GABRG3: variants seen among roughly 807,000 people sequenced by gnomAD.
The protein encoded by GABRG3 is gamma-aminobutyric acid type A receptor subunit gamma3, also known as gamma-aminobutyric acid receptor subunit gamma-3.
GABRG3 carries 25 observed loss-of-function variants against 48.8 expected under a neutral mutation model. That is an observed-to-expected ratio of 0.51 (90% confidence interval 0.37 to 0.72). GABRG3 has a LOEUF of 0.72. GABRG3 is among the 30% of genes least tolerant of loss of function. GABRG3 has a pLI of 0.00. For missense variants in GABRG3, 394 were observed against 577.9 expected, an observed-to-expected ratio of 0.68 and a Z score of 3.26; for synonymous variants, 227 against 217.6, an observed-to-expected ratio of 1.04 and a Z score of -0.38.
intron 2 of GABRG3, among the ~76,000 whole-genome samples, chr15:26,990,986 A>T (rs1420018142): frequency 1.3e-5 from 2 of 151,714 alleles, no homozygotes; most frequent in Non-Finnish European, 2.9e-5. Context: ...TGTATTTTCA[A>T]TAGAGATGGG....
At chr15:27,410,662 G>T (rs1046964996) in intron 5 of GABRG3, among the ~76,000 whole-genome samples, 4 of 152,026 alleles carry the variant, frequency 2.6e-5, no homozygotes, top group Non-Finnish European at 5.9e-5. Flanking sequence ...AGTATTTCCC[G>T]TAGAGAAGGC....
intron 3 of GABRG3, among the ~76,000 whole-genome samples, chr15:27,177,192 G>T (rs976801243): frequency 6.6e-6 from 1 of 152,174 alleles, no homozygotes; most frequent in Non-Finnish European, 1.5e-5. Flanking sequence ...TTGGGCAGCA[G>T]CTTATAGGAC....
At chr15:27,382,336 G>A (rs1245528265) in intron 5 of GABRG3, among the ~76,000 whole-genome samples, 1 of 152,160 alleles carries the variant, frequency 6.6e-6, no homozygotes, top group Non-Finnish European at 1.5e-5. Context: ...AAAATTTACG[G>A]AATATATATT....
intron 5 of GABRG3, 107 bp downstream of exon 5, chr15:27,328,995 A>G: frequency 1.1e-6 from 1 of 907,628 alleles, no homozygotes; most frequent in Non-Finnish European, 1.8e-6. Flanking sequence ...CCCTGCACAC[A>G]CAGAGAAAAC....
At chr15:27,426,308 G>C (rs1888289976) in intron 5 of GABRG3, among the ~76,000 whole-genome samples, 1 of 152,140 alleles carries the variant, frequency 6.6e-6, no homozygotes, top group Non-Finnish European at 1.5e-5. Context: ...TAATGTGCTT[G>C]TCTGGGTTTG....
intron 3 of GABRG3, among the ~76,000 whole-genome samples, chr15:27,100,313 C>G (rs7170763): frequency 6.6e-6 from 1 of 151,704 alleles, no homozygotes; most frequent in African/African-American, 2.4e-5. Context: ...ATTCTTCTAC[C>G]GATTAAGTAA....
intron 6 of GABRG3, among the ~76,000 whole-genome samples, chr15:27,501,597 A>G (rs1890642266): frequency 6.6e-6 from 1 of 152,228 alleles, no homozygotes; most frequent in East Asian, 1.9e-4. Context: ...CTCACTCTTG[A>G]GTTGAATGGA....
chr15:27,396,594 A>C (rs1240423353), intron 5 of GABRG3, among the ~76,000 whole-genome samples: 2 of 152,366 alleles, frequency 1.3e-5, no homozygotes, highest in East Asian at 1.9e-4. Flanking sequence ...ATCAGGTTAC[A>C]CAAAGTAAAA....
chr15:27,008,830 G>T (rs1895635086), intron 2 of GABRG3, among the ~76,000 whole-genome samples: 1 of 152,152 alleles, frequency 6.6e-6, no homozygotes, highest in African/African-American at 2.4e-5. Context: ...CTGGGGTAAA[G>T]CTCAGCTGAG....
At chr15:27,039,040 G>A (rs1190338216) in intron 3 of GABRG3, among the ~76,000 whole-genome samples, 1 of 152,122 alleles carries the variant, frequency 6.6e-6, no homozygotes, top group East Asian at 1.9e-4. Flanking sequence ...AGCTGGGTTG[G>A]GCTCCGTTAC....
chr15:27,095,135 T>C (rs1202099527), intron 3 of GABRG3, among the ~76,000 whole-genome samples: 1 of 152,186 alleles, frequency 6.6e-6, no homozygotes, highest in Admixed American at 6.5e-5. Flanking sequence ...TTTTAAAAAA[T>C]GACATTTCAG....
At chr15:27,239,096 T>A (rs1010204938) in intron 3 of GABRG3, among the ~76,000 whole-genome samples, 1 of 152,152 alleles carries the variant, frequency 6.6e-6, no homozygotes, top group Admixed American at 6.5e-5. Context: ...AGGACAAAGA[T>A]TTTTAAAGGA....
At chr15:27,397,984 T>G in intron 5 of GABRG3, among the ~76,000 whole-genome samples, 1 of 151,900 alleles carries the variant, frequency 6.6e-6, no homozygotes, top group Admixed American at 6.6e-5. Flanking sequence ...TTTTGTATTT[T>G]TAGTTGAGAT....
chr15:27,448,637 C>A (rs116058000), intron 5 of GABRG3, among the ~76,000 whole-genome samples: 17 of 152,026 alleles, frequency 1.1e-4, no homozygotes, highest in African/African-American at 4.1e-4. Context: ...TCTGTTATGC[C>A]CTATGTCATA....
At chr15:27,144,008 A>G (rs1026492394) in intron 3 of GABRG3, among the ~76,000 whole-genome samples, 1 of 152,216 alleles carries the variant, frequency 6.6e-6, no homozygotes, top group African/African-American at 2.4e-5. Context: ...ATTGCCATTA[A>G]CAAGCCTTAT....
At chr15:27,308,713 TATGTAAACATA>T (rs1892860974) in intron 3 of GABRG3, among the ~76,000 whole-genome samples, 1 of 149,780 alleles carries the variant, frequency 6.7e-6, no homozygotes, top group South Asian at 2.2e-4. Flanking sequence ...CATACGTTTA[TATGTAAACATA>T]ATGTAAACAT....
intron 3 of GABRG3, among the ~76,000 whole-genome samples, chr15:27,292,770 G>A (rs920766272): frequency 3.9e-5 from 6 of 152,182 alleles, no homozygotes; most frequent in East Asian, 1.9e-4. Flanking sequence ...CAACTTTTCC[G>A]AAGTTGTTAC....
chr15:27,061,696 CA>C (rs1423912264), intron 3 of GABRG3, among the ~76,000 whole-genome samples: 1 of 152,006 alleles, frequency 6.6e-6, no homozygotes, highest in Non-Finnish European at 1.5e-5. Context: ...TGCTCCCCAC[CA>C]AAGAGAAAAA....
intron 5 of GABRG3, among the ~76,000 whole-genome samples, chr15:27,464,123 A>G (rs1388251290): frequency 6.6e-6 from 1 of 152,114 alleles, no homozygotes; most frequent in Non-Finnish European, 1.5e-5. Flanking sequence ...AAAATGCACC[A>G]ATTTTATACC....
Sources: gnomAD v4.1 joint callset for allele counts (sites outside exome capture counted in the v4.1 genomes callset) on GRCh38, gnomAD v4.1.1 for gene constraint, MANE v1.5 for transcripts, NCBI Gene and HGNC (gene_info 2026-07-23, HGNC 2026-07-21) for gene names.